The following NPAS3 variants were observed in gnomAD, a reference collection of about 807,000 sequenced individuals.
NPAS3 encodes the protein neuronal PAS domain-containing protein 3.
Under a neutral mutation model 73.1 loss-of-function variants are expected in NPAS3, and 14 were observed. The observed-to-expected ratio is 0.19, with a 90% CI of 0.13 to 0.30. The LOEUF is 0.30. NPAS3 is among the 10% of genes least tolerant of loss of function. NPAS3 has a pLI of 1.00. For synonymous variants in NPAS3, 620 were observed against 541.5 expected (o/e 1.14, Z -2.01); for missense variants, 1,096 against 1,250.0 (o/e 0.88, Z 1.86).
chr14:33,381,871 TGACCATTTTGTTGTCTCC>T (rs2046569238), intron 4 of NPAS3, among the ~76,000 whole-genome samples: 1 of 152,204 alleles, frequency 6.6e-6, no homozygotes, highest in African/African-American at 2.4e-5. Context: ...CCCTGTTTGC[TGACCATTTTGTTGTCTCC>T]TGCTGAGACT....
chr14:32,949,014 T>A (rs150650969), intron 1 of NPAS3, among the ~76,000 whole-genome samples: 2 of 152,242 alleles, frequency 1.3e-5, no homozygotes, highest in South Asian at 4.1e-4. Flanking sequence ...TCAGGAACTT[T>A]AGTTTCTTTG....
chr14:33,478,281 A>G (rs927329), intron 4 of NPAS3, among the ~76,000 whole-genome samples: 47,548 of 152,098 alleles, frequency 0.31, 11,495 homozygotes, highest in African/African-American at 0.68. Context: ...AAGAGGGAAT[A>G]ATGGGAATTT....
intron 6 of NPAS3, among the ~76,000 whole-genome samples, chr14:33,714,934 T>C (rs922452690): frequency 2.6e-5 from 4 of 152,208 alleles, no homozygotes; most frequent in Non-Finnish European, 4.4e-5. Flanking sequence ...TCCATAGACA[T>C]GTAAAGCTGG....
intron 4 of NPAS3, among the ~76,000 whole-genome samples, chr14:33,501,063 G>T (rs1042071834): frequency 6.6e-6 from 1 of 151,888 alleles, no homozygotes; most frequent in Admixed American, 6.6e-5. Context: ...ATTATTTTTT[G>T]TGATTCTAAT....
At chr14:33,519,446 C>T (rs2053459376) in intron 4 of NPAS3, among the ~76,000 whole-genome samples, 1 of 152,052 alleles carries the variant, frequency 6.6e-6, no homozygotes. Flanking sequence ...TTCCAAGTCT[C>T]GCCAGCTTCC....
At chr14:33,471,648 C>T (rs2050786712) in intron 4 of NPAS3, among the ~76,000 whole-genome samples, 1 of 152,162 alleles carries the variant, frequency 6.6e-6, no homozygotes, top group Non-Finnish European at 1.5e-5. Flanking sequence ...TATCACCGTC[C>T]TTAAAAGAAA....
chr14:33,623,671 C>A (rs2058143498), intron 5 of NPAS3, among the ~76,000 whole-genome samples: 1 of 152,188 alleles, frequency 6.6e-6, no homozygotes, highest in African/African-American at 2.4e-5. Context: ...GCCAAAATTG[C>A]TATAAGCCCT....
chr14:33,198,185 A>T (rs2046453600), intron 2 of NPAS3, among the ~76,000 whole-genome samples: 1 of 152,200 alleles, frequency 6.6e-6, no homozygotes. Flanking sequence ...GGACCCAAAG[A>T]GTGAGCAACA....
chr14:33,234,464 T>C (rs1594466223), intron 3 of NPAS3, among the ~76,000 whole-genome samples: 2 of 152,160 alleles, frequency 1.3e-5, no homozygotes, highest in Admixed American at 6.6e-5. Context: ...TTTTATTAAA[T>C]GCCATTTTTC....
intron 1 of NPAS3, among the ~76,000 whole-genome samples, chr14:32,964,655 A>T (rs2139253990): frequency 1.3e-5 from 2 of 152,308 alleles, no homozygotes; most frequent in Middle Eastern, 3.4e-3. Flanking sequence ...ACATTTTAAA[A>T]TGTGTAATTA....
intron 10 of NPAS3, among the ~76,000 whole-genome samples, chr14:33,794,564 G>A (rs1384723788): frequency 6.6e-6 from 1 of 150,956 alleles, no homozygotes; most frequent in Non-Finnish European, 1.5e-5. Context: ...AACAAAGTGA[G>A]TTGCTTTGCC....
At chr14:33,679,891 T>A (rs1245254968) in intron 6 of NPAS3, among the ~76,000 whole-genome samples, 1 of 152,218 alleles carries the variant, frequency 6.6e-6, no homozygotes, top group Non-Finnish European at 1.5e-5. Flanking sequence ...ATTTTATATG[T>A]ATGCACATTT....
chr14:33,613,318 GA>G (rs2057809201), intron 5 of NPAS3, among the ~76,000 whole-genome samples: 1 of 152,156 alleles, frequency 6.6e-6, no homozygotes, highest in African/African-American at 2.4e-5. Context: ...TTGTGACCAA[GA>G]ATGTGCTGAG....
At chr14:33,214,747 T>G (rs2047158400) in intron 2 of NPAS3, 1 of 157,000 alleles carries the variant, frequency 6.4e-6, no homozygotes, top group Admixed American at 6.4e-5. Flanking sequence ...TTTTTCAAAA[T>G]AGTTCCTTTT....
chr14:33,699,603 A>G (rs986950615), intron 6 of NPAS3, among the ~76,000 whole-genome samples: 1 of 152,202 alleles, frequency 6.6e-6, no homozygotes, highest in African/African-American at 2.4e-5. Context: ...CACTAATAGA[A>G]CATTCAATGC....
intron 4 of NPAS3, among the ~76,000 whole-genome samples, chr14:33,447,389 C>A (rs978257732): frequency 6.6e-6 from 1 of 152,000 alleles, no homozygotes; most frequent in Non-Finnish European, 1.5e-5. Context: ...TGTGTGTGGG[C>A]GCACGCACGC....
rs537816274 is a variant in NPAS3, at chr14:33,298,754, C to T, written c.386-68432C>T. 5.1e-4 allele frequency among the ~76,000 whole-genome samples: 77 copies of T among 152,238 alleles called. No homozygotes were observed. The South Asian group carries it at 0.014, about 28-fold the overall frequency. ...CGTTTAATAAAAAAGTGATATTTGACATTCTTTTCCACGTAAATAACAAAG... is the reference window on the plus strand; with the variant it reads ...CGTTTAATAAAAAAGTGATATTTGATATTCTTTTCCACGTAAATAACAAAG... On this transcript the variant is annotated intron_variant, in intron 3 of 11. Coordinates refer to ENST00000356141, the Ensembl canonical transcript of NPAS3.
chr14:33,040,053 C>CT (rs1228429256), intron 1 of NPAS3, among the ~76,000 whole-genome samples: 1 of 152,004 alleles, frequency 6.6e-6, no homozygotes, highest in African/African-American at 2.4e-5. Context: ...CAAATATTTT[C>CT]TTTTTTTCTT....
intron 2 of NPAS3, among the ~76,000 whole-genome samples, chr14:33,137,106 T>G (rs1595526760): frequency 6.6e-6 from 1 of 152,366 alleles, no homozygotes; most frequent in East Asian, 1.9e-4. Flanking sequence ...AAGAATTATT[T>G]GCTAGAAGAA....
Sources: gnomAD v4.1 joint callset for allele counts (sites outside exome capture counted in the v4.1 genomes callset) on GRCh38, gnomAD v4.1.1 for gene constraint, MANE v1.5 for transcripts, NCBI Gene and HGNC (gene_info 2026-07-23, HGNC 2026-07-21) for gene names.